The following CHL1 variants were observed in gnomAD, a reference collection of about 807,000 sequenced individuals.
CHL1 encodes the protein cell adhesion molecule L1 like, also known as neural cell adhesion molecule L1-like protein.
Under a neutral mutation model 141.9 loss-of-function variants are expected in CHL1, and 96 were observed. The ratio of observed to expected loss-of-function variants is 0.68; its 90% CI spans 0.57 to 0.80. CHL1 has a LOEUF of 0.80. Ranked by LOEUF, CHL1 falls within the 30% of genes least tolerant of loss-of-function variation. The probability of loss-of-function intolerance (pLI) is 0.00; values close to 1 mark genes in which losing one functional copy is unlikely to be tolerated. For missense variants in CHL1, 1,820 were observed against 1,457.2 expected (o/e 1.25, Z -4.05); for synonymous variants, 613 against 502.2 (o/e 1.22, Z -2.95).
chr3:230,884 G>A (rs141491866), intron 1 of CHL1, among the ~76,000 whole-genome samples: 4 of 152,252 alleles, frequency 2.6e-5, no homozygotes, highest in Non-Finnish European at 4.4e-5. Flanking sequence ...CCAGATCAGA[G>A]ATGATTTTTG....
intron 1 of CHL1, among the ~76,000 whole-genome samples, chr3:233,531 T>G (rs1289772588): frequency 6.6e-6 from 1 of 152,190 alleles, no homozygotes; most frequent in Non-Finnish European, 1.5e-5. Context: ...AATATATCTA[T>G]TACATTAAGT....
intron 3 of CHL1, among the ~76,000 whole-genome samples, chr3:323,065 T>G (rs947959537): frequency 4.6e-5 from 7 of 152,030 alleles, no homozygotes; most frequent in Admixed American, 3.3e-4. Context: ...AATCTCTATT[T>G]CTTAATTGCA....
chr3:229,786 G>T (rs933244076), intron 1 of CHL1, among the ~76,000 whole-genome samples: 1 of 152,094 alleles, frequency 6.6e-6, no homozygotes, highest in African/African-American at 2.4e-5. Flanking sequence ...TGTTGACTGT[G>T]CACAGTTTAG....
rs146514296 is a variant in CHL1 at position 405,601 on chromosome 3, G to T, written c.3565G>T (p.Gly1189Cys). 1 of 1,613,344 alleles carries T rather than the reference G, an allele frequency of 6.2e-7. No individual in the cohort carries two copies. Among genetic ancestry groups the T allele is most frequent in the Non-Finnish European group, 8.5e-7 (1 of 1,179,404 alleles). ...AGTCGAATACGGAGAGGGAGACCAT[G>T]GTCTCTTCAGTGAAGATGGATCATT... Reference protein sequence around the residue: ...SLVEYGEGDHGLFSEDGSFIG... With the variant: ...SLVEYGEGDHCLFSEDGSFIG... Residue 1189 changes from glycine (G) to cysteine (C), a missense_variant, in exon 28 of 28, where the codon GGT (glycine) becomes TGT (cysteine). By Grantham distance (159) the Gly-to-Cys change is radical. Transcript: ENST00000256509.
chr3:232,959 G>A (rs1278619349), intron 1 of CHL1, among the ~76,000 whole-genome samples: 1 of 151,282 alleles, frequency 6.6e-6, no homozygotes, highest in Non-Finnish European at 1.5e-5. Context: ...TTTAGAGCTG[G>A]ACTCAAACCA....
At chr3:228,537 G>C (rs1214707569) in intron 1 of CHL1, among the ~76,000 whole-genome samples, 4 of 151,960 alleles carry the variant, frequency 2.6e-5, no homozygotes, top group African/African-American at 9.7e-5. Context: ...ACTACACTTA[G>C]GTTACTTTCC....
intron 1 of CHL1, among the ~76,000 whole-genome samples, chr3:229,907 C>T (rs779482672): frequency 5.3e-5 from 8 of 152,170 alleles, no homozygotes; most frequent in South Asian, 2.1e-4. Context: ...TCTCTCCCTC[C>T]GGAGCACATG....
At chr3:350,244 T>C (rs1703128389) in intron 10 of CHL1, among the ~76,000 whole-genome samples, 1 of 152,224 alleles carries the variant, frequency 6.6e-6, no homozygotes, top group Non-Finnish European at 1.5e-5. Context: ...TTTATAGGAA[T>C]AAGTAGGCAA....
chr3:305,702 C>T (rs1699167046), intron 2 of CHL1, among the ~76,000 whole-genome samples: 1 of 150,800 alleles, frequency 6.6e-6, no homozygotes, highest in Non-Finnish European at 1.5e-5. Flanking sequence ...TATAAATGTA[C>T]ATATAAATAA....
intron 3 of CHL1, among the ~76,000 whole-genome samples, chr3:323,478 G>C (rs1354793104): frequency 6.6e-6 from 1 of 152,026 alleles, no homozygotes; most frequent in Non-Finnish European, 1.5e-5. Flanking sequence ...ATTAAAAAAA[G>C]TAAAATGGTT....
intron 2 of CHL1, among the ~76,000 whole-genome samples, chr3:318,420 A>G (rs956792038): frequency 1.3e-5 from 2 of 151,866 alleles, no homozygotes; most frequent in Non-Finnish European, 2.9e-5. Context: ...ACAAAATTAC[A>G]TACCTGAAAG....
chr3:309,528 C>T (rs1699576028), intron 2 of CHL1, among the ~76,000 whole-genome samples: 1 of 147,014 alleles, frequency 6.8e-6, no homozygotes, highest in Non-Finnish European at 1.5e-5. Context: ...TCTTTCCTTC[C>T]TTCCTTCCTT....
intron 2 of CHL1, among the ~76,000 whole-genome samples, chr3:304,249 G>T (rs544146692): frequency 6.6e-6 from 1 of 152,182 alleles, no homozygotes; most frequent in African/African-American, 2.4e-5. Context: ...GATGATGCTG[G>T]CCTCATAAAA....
chr3:387,107 G>A (rs9826487), intron 19 of CHL1, among the ~76,000 whole-genome samples: 96,604 of 152,032 alleles, frequency 0.64, 32,053 homozygotes, highest in South Asian at 0.77. Flanking sequence ...TAGATTAATA[G>A]TTATAACCTT....
chr3:382,246 G>T lies in CHL1; in HGVS notation c.1944G>T (p.Trp648Cys). The T allele has an allele frequency of 6.2e-7, 1 of 1,613,766 alleles. No individual in the cohort carries two copies. The change falls in exon 17 of 28, where the codon TGG becomes TGT. Residue 648 changes from tryptophan to cysteine, a missense_variant. Transcript: ENST00000256509. Reference protein sequence around the residue: ...ERQNRSVRLTWEAGADHNSNI... With the variant: ...ERQNRSVRLTCEAGADHNSNI... ...AGAACAGGAGTGTTCGGCTGACCTG[G>T]GAAGCTGGAGCTGACCACAACAGCA... is the stretch of plus-strand genomic sequence containing the variant.
chr3:322,466 G>T (rs923446832), intron 3 of CHL1, among the ~76,000 whole-genome samples: 7 of 150,586 alleles, frequency 4.6e-5, no homozygotes, highest in African/African-American at 1.7e-4. Flanking sequence ...ATAAACCTAA[G>T]ACGCCATTTT....
chr3:350,843 A>ATAT lies in CHL1; in HGVS notation c.1033+1302_1033+1304dup, dbSNP rs1703187130. On this transcript the variant is annotated intron_variant, in intron 10 of 27. Transcript: ENST00000256509. ...ACGTCAACATCTGCCAAACAGTGAT[A>ATAT]TATTCCTTTGACATTAAATTATTCA... Among the ~76,000 whole-genome samples the ATAT allele has an allele frequency of 2.6e-5, 4 of 152,336 alleles. No individual in the cohort carries two copies. The South Asian group carries it at 8.3e-4, about 32-fold the overall frequency.
chr3:339,999 C>T (rs985064741), intron 5 of CHL1, among the ~76,000 whole-genome samples: 2 of 152,124 alleles, frequency 1.3e-5, no homozygotes, highest in African/African-American at 2.4e-5. Flanking sequence ...CAATGTAATG[C>T]TCAGGAAGAA....
At chr3:372,640 C>T (rs1705782906) in intron 15 of CHL1, among the ~76,000 whole-genome samples, 1 of 152,144 alleles carries the variant, frequency 6.6e-6, no homozygotes, top group African/African-American at 2.4e-5. Flanking sequence ...CCATCCAGTT[C>T]TGCGCCCTTG....
Sources: allele counts gnomAD v4.1 joint callset (sites outside exome capture counted in the v4.1 genomes callset), GRCh38; gene constraint gnomAD v4.1.1; transcripts MANE v1.5; gene names NCBI Gene and HGNC (gene_info 2026-07-23, HGNC 2026-07-21).